Variants in RNF125 observed in about 807,000 individuals in gnomAD.
The protein encoded by RNF125 is E3 ubiquitin-protein ligase RNF125.
RNF125 carries 21 observed loss-of-function variants against 26.0 expected under a neutral mutation model. The observed-to-expected ratio is 0.81, with a 90% CI of 0.57 to 1.16. RNF125 has a LOEUF of 1.16. Ranked by LOEUF, RNF125 falls within the 50% of genes most tolerant of loss-of-function variation. RNF125 has a pLI of 0.00. For synonymous variants in RNF125, 95 were observed against 109.2 expected (o/e 0.87, Z 0.81); for missense variants, 270 against 299.4 (o/e 0.90, Z 0.72).
At chr18:32,089,735 A>G in the RNF125 span, among the ~76,000 whole-genome samples, 1 of 152,164 alleles carries the variant, frequency 6.6e-6, no homozygotes, top group Non-Finnish European at 1.5e-5. Context: ...ATACCGAATG[A>G]CTTATTAGAA....
chr18:32,028,571 A>AAAAT (rs1353022476), intron 1 of RNF125, among the ~76,000 whole-genome samples: 1 of 141,610 alleles, frequency 7.1e-6, no homozygotes, highest in Non-Finnish European at 1.5e-5. Context: ...TTTTGGGGGT[A>AAAAT]AAATATTTTG....
chr18:32,061,124 A>C (rs1444858413), intron 4 of RNF125, among the ~76,000 whole-genome samples: 1 of 152,088 alleles, frequency 6.6e-6, no homozygotes, highest in East Asian at 1.9e-4. Flanking sequence ...TCCTGGGTTC[A>C]CGCCATTCTC....
the RNF125 span, among the ~76,000 whole-genome samples, chr18:32,080,476 C>A: frequency 6.6e-4 from 101 of 152,316 alleles, no homozygotes; most frequent in South Asian, 4.1e-3. Context: ...CCAGAAATTT[C>A]CGCCTTGAGG....
intron 4 of RNF125, among the ~76,000 whole-genome samples, chr18:32,047,460 C>CT (rs1381143578): frequency 1.3e-5 from 2 of 152,182 alleles, no homozygotes; most frequent in Non-Finnish European, 2.9e-5. Flanking sequence ...ATAATGCAGA[C>CT]TTTTTATTAG....
chr18:32,053,491 C>T (rs2039348640), intron 4 of RNF125, among the ~76,000 whole-genome samples: 1 of 151,984 alleles, frequency 6.6e-6, no homozygotes, highest in Non-Finnish European at 1.5e-5. Context: ...AACTGTAGGC[C>T]AACTCTTCAG....
At chr18:32,053,875 C>T (rs917875460) in intron 4 of RNF125, among the ~76,000 whole-genome samples, 1 of 151,884 alleles carries the variant, frequency 6.6e-6, no homozygotes, top group Non-Finnish European at 1.5e-5. Context: ...TTATTGAAAA[C>T]CCTGGTAAGG....
At chr18:32,032,353 C>T (rs1037873048) in intron 1 of RNF125, among the ~76,000 whole-genome samples, 2 of 151,328 alleles carry the variant, frequency 1.3e-5, no homozygotes, top group Non-Finnish European at 2.9e-5. Context: ...GTTAGGTTTA[C>T]AGGCAGAAGC....
intron 4 of RNF125, among the ~76,000 whole-genome samples, chr18:32,052,378 G>A (rs189168456): frequency 5.9e-5 from 9 of 151,534 alleles, no homozygotes; most frequent in African/African-American, 1.7e-4. Flanking sequence ...CTGTAGTCCC[G>A]GCTGCTCAGG....
chr18:32,022,538 A>G (rs1367654684), intron 1 of RNF125, among the ~76,000 whole-genome samples: 1 of 152,252 alleles, frequency 6.6e-6, no homozygotes, highest in Non-Finnish European at 1.5e-5. Context: ...AGAAAGGGCC[A>G]GATGCTTGAT....
chr18:32,082,244 T>C, the RNF125 span, among the ~76,000 whole-genome samples: 1 of 152,076 alleles, frequency 6.6e-6, no homozygotes, highest in Non-Finnish European at 1.5e-5. Context: ...AACCTCACAC[T>C]GGCTTCTCTC....
At position 32,045,520 on chromosome 18, in the gene RNF125, C is replaced by T. The variant is rs2039260617; in HGVS notation, c.414-122C>T. ...AGGTTGCATTGAGCTGAGATCATGC[C>T]ACTGCACTCCAGCCTGGGCCACAGA... is the stretch of plus-strand genomic sequence containing the variant. On this transcript the variant is annotated intron_variant, in intron 3 of 5. Transcript: ENST00000217740. 3 of 509,620 alleles carry T rather than the reference C, an allele frequency of 5.9e-6. No homozygotes were observed. In the East Asian group the frequency reaches 1.1e-4, roughly 19 times the overall value. The allele number at this position is 509,620 out of a possible 1,614,324, so 31.6% of individuals were successfully genotyped here.
At chr18:32,050,336 T>C (rs898684044) in intron 4 of RNF125, among the ~76,000 whole-genome samples, 2 of 152,188 alleles carry the variant, frequency 1.3e-5, no homozygotes, top group African/African-American at 4.8e-5. Flanking sequence ...TTTTAAAATT[T>C]GGAGACAGGG....
Position 32,070,416 on chromosome 18 carries a change from C to T in RNF125, c.*2032C>T, listed in dbSNP as rs912045324. The T allele has an allele frequency of 6.6e-6, 1 of 152,226 alleles. No individual in the cohort carries two copies. Among genetic ancestry groups the T allele is most frequent in the Non-Finnish European group, 1.5e-5 (1 of 68,082 alleles). 9.4% of individuals were successfully genotyped at this position (152,226 alleles called of 1,614,324 possible). A position where few individuals can be genotyped will look rare whatever the true frequency, so the allele number is the denominator to read the frequency against. On this transcript the variant is annotated 3_prime_UTR_variant, in exon 6 of 6. Transcript: ENST00000217740. ...TCAAACTCCTTACCTTGTGATCCGC[C>T]CACCTCAGCCTTCCAAAGTGCTGGG...
downstream of RNF125, chr18:32,076,184 C>A: frequency 1.9e-6 from 1 of 525,252 alleles, no homozygotes; most frequent in Non-Finnish European, 3.5e-6. Context: ...GACTTTGGAG[C>A]ATGGCCCAAT....
chr18:32,058,760 C>T (rs2039409565), intron 4 of RNF125, among the ~76,000 whole-genome samples: 1 of 152,120 alleles, frequency 6.6e-6, no homozygotes. Context: ...TAACCATGCC[C>T]ACTTCCCCCA....
intron 4 of RNF125, among the ~76,000 whole-genome samples, chr18:32,058,824 A>G (rs1052929520): frequency 6.6e-6 from 1 of 152,004 alleles, no homozygotes; most frequent in Non-Finnish European, 1.5e-5. Flanking sequence ...CTCTATCTCC[A>G]TGAGTTCAAT....
At position 32,037,238 on chromosome 18, in the gene RNF125, A is replaced by G; in HGVS notation, c.287A>G (p.Glu96Gly). 6.2e-7 allele frequency: 1 copy of G among 1,602,574 alleles called. No individual in the cohort carries two copies. The highest frequency in any genetic ancestry group is 8.5e-7 in the Non-Finnish European group (1 of 1,175,930). ...GATGTAGCCAAAAGAATGAAATCAGAGTATAAGAACTGCGCTGAGTGTGAC... is the reference window on the plus strand; with the variant it reads ...GATGTAGCCAAAAGAATGAAATCAGGGTATAAGAACTGCGCTGAGTGTGAC... ...ATDVAKRMKS[E>G]YKNCAECDTL... The change falls in exon 2 of 6, where the codon GAG becomes GGG. Residue 96 changes from glutamate (E) to glycine (G), a missense_variant. By Grantham distance (98) the Glu-to-Gly change is moderately conservative (BLOSUM62 -2). Transcript: ENST00000217740.
chr18:32,065,019 ATAAT>A (rs1425119094), intron 4 of RNF125, among the ~76,000 whole-genome samples: 4 of 152,246 alleles, frequency 2.6e-5, no homozygotes, highest in Non-Finnish European at 5.9e-5. Flanking sequence ...TATTGTTTAA[ATAAT>A]AAATTGATGA....
At chr18:32,058,050 T>C (rs2039401965) in intron 4 of RNF125, among the ~76,000 whole-genome samples, 1 of 149,822 alleles carries the variant, frequency 6.7e-6, no homozygotes, top group African/African-American at 2.5e-5. Context: ...GAGGGTTACT[T>C]AAAGCCAGGA....
Sources: allele counts gnomAD v4.1 joint callset (sites outside exome capture counted in the v4.1 genomes callset), GRCh38; gene constraint gnomAD v4.1.1; transcripts MANE v1.5; gene names NCBI Gene and HGNC (gene_info 2026-07-23, HGNC 2026-07-21).